XKR4: variants seen among roughly 807,000 people sequenced by gnomAD.
XKR4 encodes the protein XK related 4, also known as XK-related protein 4.
A neutral mutation model predicts 53.9 loss-of-function variants in XKR4; 12 were observed. The observed-to-expected ratio is 0.22, with a 90% CI of 0.14 to 0.36. The LOEUF (loss-of-function observed/expected upper bound fraction) is 0.36, where lower values mean the gene tolerates loss of function less well. Among genes scored for constraint, XKR4 ranks in the 10% least tolerant of loss-of-function variants. XKR4 has a pLI of 1.00. For synonymous variants in XKR4, 354 were observed against 362.4 expected, an observed-to-expected ratio of 0.98 and a Z score of 0.26; for missense variants, 799 against 859.5, an observed-to-expected ratio of 0.93 and a Z score of 0.88.
At chr8:55,462,975 C>T (rs1188871129) in intron 2 of XKR4, among the ~76,000 whole-genome samples, 3 of 152,094 alleles carry the variant, frequency 2.0e-5, no homozygotes, top group Non-Finnish European at 4.4e-5. Context: ...ATTCATAAAG[C>T]AAGTCCTTAG....
chr8:55,162,492 TATC>T (rs1437552738), intron 1 of XKR4, among the ~76,000 whole-genome samples: 1 of 152,224 alleles, frequency 6.6e-6, no homozygotes, highest in Non-Finnish European at 1.5e-5. Context: ...GAAATAATAA[TATC>T]TTCTTTATAA....
intron 1 of XKR4, among the ~76,000 whole-genome samples, chr8:55,353,675 G>A (rs1803758571): frequency 6.6e-6 from 1 of 152,194 alleles, no homozygotes; most frequent in Non-Finnish European, 1.5e-5. Flanking sequence ...ATGATCGAAT[G>A]GAGACTATTT....
At chr8:55,398,430 A>G (rs1336835995) in intron 2 of XKR4, among the ~76,000 whole-genome samples, 1 of 152,244 alleles carries the variant, frequency 6.6e-6, no homozygotes, top group African/African-American at 2.4e-5. Context: ...GAATTTCTAC[A>G]GCAGTCTAAA....
At chr8:55,378,618 G>A (rs1402076330) in intron 2 of XKR4, among the ~76,000 whole-genome samples, 6 of 152,094 alleles carry the variant, frequency 3.9e-5, no homozygotes, top group Admixed American at 1.3e-4. Flanking sequence ...TTAAGTGGAA[G>A]GGCATTTTAT....
intron 1 of XKR4, among the ~76,000 whole-genome samples, chr8:55,237,558 G>A (rs1246997744): frequency 1.3e-5 from 2 of 152,126 alleles, no homozygotes; most frequent in Admixed American, 1.3e-4. Context: ...GGTGGCAGAG[G>A]CAGAAGAAAT....
At chr8:55,466,729 A>G (rs1158606471) in intron 2 of XKR4, among the ~76,000 whole-genome samples, 1 of 152,140 alleles carries the variant, frequency 6.6e-6, no homozygotes, top group African/African-American at 2.4e-5. Flanking sequence ...CATGTAATAT[A>G]TGATGTATCA....
chr8:55,512,104 A>C (rs1806635198), intron 2 of XKR4, among the ~76,000 whole-genome samples: 1 of 152,216 alleles, frequency 6.6e-6, no homozygotes, highest in African/African-American at 2.4e-5. Flanking sequence ...GGTGAAGTCA[A>C]GTGACTCACC....
At chr8:55,247,590 A>G (rs1818300907) in intron 1 of XKR4, among the ~76,000 whole-genome samples, 1 of 152,112 alleles carries the variant, frequency 6.6e-6, no homozygotes, top group African/African-American at 2.4e-5. Flanking sequence ...TATGAGTCCT[A>G]TATTCTCTTG....
At chr8:55,346,691 G>T (rs985632224) in intron 1 of XKR4, among the ~76,000 whole-genome samples, 1 of 134,484 alleles carries the variant, frequency 7.4e-6, no homozygotes, top group Non-Finnish European at 1.6e-5. Context: ...GGTTATGTGT[G>T]TGTGTGTGTG....
At chr8:55,447,380 G>A (rs1263465337) in intron 2 of XKR4, among the ~76,000 whole-genome samples, 2 of 152,144 alleles carry the variant, frequency 1.3e-5, no homozygotes, top group Non-Finnish European at 2.9e-5. Context: ...TTGGTAGATG[G>A]ACACTACGGC....
chr8:55,412,997 T>C lies in XKR4; in HGVS notation c.1006+55120T>C, dbSNP rs144985728. ...TGTTTAAGTCAGATAACAATGTCAT[T>C]GACAGCAACGTTCTGCTCTGAAGGG... On this transcript the variant is annotated intron_variant, in intron 2 of 2. Coordinates refer to ENST00000327381, the MANE Select transcript of XKR4 (RefSeq NM_052898.2). Among the ~76,000 whole-genome samples the C allele has an allele frequency of 1.9e-4, 29 of 152,332 alleles. No homozygotes were observed. In the East Asian group the frequency reaches 4.6e-3, roughly 24 times the overall value.
intron 1 of XKR4, among the ~76,000 whole-genome samples, chr8:55,314,131 G>T (rs1819425011): frequency 6.6e-6 from 1 of 152,166 alleles, no homozygotes; most frequent in Admixed American, 6.5e-5. Context: ...CCATCCTTTG[G>T]TTAAAATTCT....
In XKR4 at chr8:55,479,729, C is replaced by G. The variant is rs571133575; in HGVS notation, c.1007-43552C>G. Among the ~76,000 whole-genome samples the G allele has an allele frequency of 2.0e-5, 3 of 152,210 alleles. No individual in the cohort carries two copies. The East Asian group carries it at 5.8e-4, about 29-fold the overall frequency. ...TGATAAAGGGGATATCACCACCAAT[C>G]CCACAGAAATACAAACTACCATCAG... On this transcript the variant is annotated intron_variant, in intron 2 of 2. Coordinates refer to ENST00000327381, the MANE Select transcript of XKR4 (RefSeq NM_052898.2).
intron 1 of XKR4, among the ~76,000 whole-genome samples, chr8:55,341,708 C>G (rs998863191): frequency 1.1e-4 from 16 of 152,214 alleles, no homozygotes; most frequent in Admixed American, 6.5e-5. Context: ...CCTCCTAACC[C>G]CATAGGTGGA....
chr8:55,524,440 T>C lies in XKR4; in HGVS notation c.*213T>C, dbSNP rs984787913. On this transcript the variant is annotated 3_prime_UTR_variant, in exon 3 of 3. Transcript: ENST00000327381. The stretch of plus-strand genomic sequence containing the variant: ...GAGTCTCTGACTCCACCTGAAAGAA[T>C]GACGCTGGCTTAATAGGACTCTCCA... 3.4e-6 allele frequency: 2 copies of C among 588,476 alleles called. No individual in the cohort carries two copies. Among genetic ancestry groups the C allele is most frequent in the East Asian group, 2.8e-5 (1 of 35,278 alleles). The allele number at this position is 588,476 out of a possible 1,614,324, so 36.5% of individuals were successfully genotyped here.
chr8:55,449,819 G>A, intron 2 of XKR4: 1 of 1,200,092 alleles, frequency 8.3e-7, no homozygotes, highest in African/African-American at 1.5e-5. Flanking sequence ...CTTGTACAGA[G>A]TGCCCTCGTA....
chr8:55,134,178 C>A (rs1001664397), intron 1 of XKR4, among the ~76,000 whole-genome samples: 6 of 152,204 alleles, frequency 3.9e-5, no homozygotes, highest in Non-Finnish European at 2.9e-5. Context: ...GGCAACTGCC[C>A]AGGTCAGCTG....
chr8:55,198,031 C>T (rs561626933), intron 1 of XKR4, among the ~76,000 whole-genome samples: 1 of 152,288 alleles, frequency 6.6e-6, no homozygotes, highest in African/African-American at 2.4e-5. Context: ...TAATGAAAAT[C>T]AAAGGTCTTG....
At chr8:55,170,204 A>G (rs1441598212) in intron 1 of XKR4, among the ~76,000 whole-genome samples, 1 of 152,168 alleles carries the variant, frequency 6.6e-6, no homozygotes, top group African/African-American at 2.4e-5. Flanking sequence ...CCCCAAATAT[A>G]TTCGTATCCT....
Sources: gnomAD v4.1 joint callset for allele counts (sites outside exome capture counted in the v4.1 genomes callset) on GRCh38, gnomAD v4.1.1 for gene constraint, MANE v1.5 for transcripts, NCBI Gene and HGNC (gene_info 2026-07-23, HGNC 2026-07-21) for gene names.